Variants in ATXN10 observed in about 807,000 individuals in gnomAD.
The protein encoded by ATXN10 is ataxin 10.
In ATXN10, 28 loss-of-function variants were observed where a neutral mutation model predicts 52.9. That is an observed-to-expected ratio of 0.53 (90% CI 0.39 to 0.73). The LOEUF is 0.73. Among genes scored for constraint, ATXN10 ranks in the 30% least tolerant of loss-of-function variants. The pLI, the probability that ATXN10 is intolerant of heterozygous loss-of-function variation, is 0.00. For synonymous variants in ATXN10, 226 were observed against 221.5 expected, an observed-to-expected ratio of 1.02 and a Z score of -0.18; for missense variants, 565 against 577.0, an observed-to-expected ratio of 0.98 and a Z score of 0.21.
chr22:45,782,903 T>G (rs994435970), intron 9 of ATXN10, among the ~76,000 whole-genome samples: 3 of 152,176 alleles, frequency 2.0e-5, no homozygotes, highest in African/African-American at 7.2e-5. Flanking sequence ...TGTGATAAAG[T>G]TTAATTTATA....
intron 9 of ATXN10, among the ~76,000 whole-genome samples, chr22:45,804,484 A>C (rs1012761747): frequency 6.6e-6 from 1 of 152,178 alleles, no homozygotes; most frequent in Non-Finnish European, 1.5e-5. Flanking sequence ...GATTCCTAGC[A>C]AGCCTGTGTG....
rs552312143 is a variant in ATXN10, at chr22:45,774,100, C to T, written c.1174-32859C>T. ...TTGATGCCATGTGCTTCAGCCAGCA[C>T]CATTTCAGCATGTGCATGTGTGCGC... On this transcript the variant is annotated intron_variant, in intron 9 of 11. Coordinates refer to ENST00000252934, the MANE Select transcript of ATXN10 (RefSeq NM_013236.4). The surrounding 1 kb of genome is among the most constrained non-coding windows in gnomAD (Gnocchi z 6.2). Among the ~76,000 whole-genome samples the T allele has an allele frequency of 2.0e-5, 3 of 152,328 alleles. No individual in the cohort carries two copies. In the South Asian group the frequency reaches 6.2e-4, roughly 32 times the overall value.
In ATXN10 at chr22:45,823,942, G is replaced by A. The variant is rs1299611403; in HGVS notation, c.1237+16920G>A. 6.6e-6 allele frequency among the ~76,000 whole-genome samples: 1 copy of A among 152,218 alleles called. No individual in the cohort carries two copies. On this transcript the variant is annotated intron_variant, in intron 10 of 11. Transcript: ENST00000252934. This position sits in a 1 kb window ranked among gnomAD's most constrained non-coding sequence, Gnocchi z 4.9. ...CAGCATCTTGTGACGTGCCCTTGCT[G>A]GGTCTGTCGCTTGTACTTTTTTGTG...
At chr22:45,838,137 G>C (rs1332972773) in intron 10 of ATXN10, among the ~76,000 whole-genome samples, 1 of 152,226 alleles carries the variant, frequency 6.6e-6, no homozygotes, top group Non-Finnish European at 1.5e-5. Context: ...ACATCAATCT[G>C]CTGGTTATTA....
intron 1 of ATXN10, 28 bp downstream of exon 1, chr22:45,672,207 C>T (rs1922479172): frequency 1.3e-6 from 2 of 1,496,974 alleles, no homozygotes; most frequent in Non-Finnish European, 1.8e-6. Flanking sequence ...GGGGCTGCCC[C>T]GGGCAGGGGA....
rs886478268 is a variant in ATXN10, at chr22:45,763,790, C to G, written c.1173+23252C>G. 1.3e-5 allele frequency among the ~76,000 whole-genome samples: 2 copies of G among 152,248 alleles called. No homozygotes were observed. Among genetic ancestry groups the G allele is most frequent in the African/African-American group, 4.8e-5 (2 of 41,464 alleles). On this transcript the variant is annotated intron_variant, in intron 9 of 11. Transcript: ENST00000252934. The surrounding 1 kb of genome is among the most constrained non-coding windows in gnomAD (Gnocchi z 6.9). ...GAGGATAGGCAGGGACCATTTGTCTCTTCACCATTCTGGTGCTGGGAACAG... is the reference window on the plus strand; with the variant it reads ...GAGGATAGGCAGGGACCATTTGTCTGTTCACCATTCTGGTGCTGGGAACAG...
intron 1 of ATXN10, 80 bp from the exon 2 acceptor site, chr22:45,689,632 A>C (rs1451070086): frequency 5.4e-6 from 7 of 1,300,054 alleles, no homozygotes; most frequent in Non-Finnish European, 7.8e-6. Flanking sequence ...ACAATAGTAG[A>C]TAAAAGCAGT....
intron 9 of ATXN10, among the ~76,000 whole-genome samples, chr22:45,752,499 C>G (rs2146818505): frequency 8.2e-6 from 1 of 122,546 alleles, no homozygotes; most frequent in African/African-American, 3.1e-5. Flanking sequence ...AGTGGGTGAG[C>G]AGGTGTGTGG....
At chr22:45,822,315 T>G (rs1382177589) in intron 10 of ATXN10, among the ~76,000 whole-genome samples, 1 of 152,166 alleles carries the variant, frequency 6.6e-6, no homozygotes, top group East Asian at 1.9e-4. Flanking sequence ...GGTGTTTTTC[T>G]AGGCATGGGA....
At chr22:45,720,598 C>T (rs1021492950) in intron 6 of ATXN10, among the ~76,000 whole-genome samples, 4 of 152,164 alleles carry the variant, frequency 2.6e-5, no homozygotes, top group African/African-American at 9.7e-5. Flanking sequence ...TCTTGTGTAT[C>T]AGAAACTCTG....
intron 1 of ATXN10, among the ~76,000 whole-genome samples, chr22:45,686,615 C>G (rs940675170): frequency 6.6e-6 from 1 of 151,946 alleles, no homozygotes; most frequent in East Asian, 1.9e-4. Context: ...GTCAGGAGAC[C>G]GAGACCAGCC....
chr22:45,765,169 G>A (rs921533264), intron 9 of ATXN10, among the ~76,000 whole-genome samples: 2 of 152,082 alleles, frequency 1.3e-5, no homozygotes, highest in Non-Finnish European at 2.9e-5. Flanking sequence ...CTCATCGCGG[G>A]GCCAGTCCTA....
rs1462968861 is a variant in ATXN10, at chr22:45,786,138, A to G, written c.1174-20821A>G. On this transcript the variant is annotated intron_variant, in intron 9 of 11. Coordinates refer to ENST00000252934, the MANE Select transcript of ATXN10 (RefSeq NM_013236.4). This position sits in a 1 kb window ranked among gnomAD's most constrained non-coding sequence, Gnocchi z 4.1. ...CAGATGTGAATGTTTGCTAAAGAAAAGATAGTTGCTAATTTTTCTGGAATT... is the reference window on the plus strand; with the variant it reads ...CAGATGTGAATGTTTGCTAAAGAAAGGATAGTTGCTAATTTTTCTGGAATT... Among the ~76,000 whole-genome samples the G allele has an allele frequency of 1.3e-5, 2 of 152,234 alleles. No homozygotes were observed. Among genetic ancestry groups the G allele is most frequent in the Non-Finnish European group, 2.9e-5 (2 of 68,038 alleles).
At position 45,774,583 on chromosome 22, in the gene ATXN10, A is replaced by G. The variant is rs1236902134; in HGVS notation, c.1174-32376A>G. On this transcript the variant is annotated intron_variant, in intron 9 of 11. Transcript: ENST00000252934. The surrounding 1 kb of genome is among the most constrained non-coding windows in gnomAD (Gnocchi z 6.2). Reference sequence around the variant, plus strand: ...CAGCAAAGGATCCCAACTCTAGGAAATCTTCCATGTCAGGTTCCTGAAAAA... The same window carrying G: ...CAGCAAAGGATCCCAACTCTAGGAAGTCTTCCATGTCAGGTTCCTGAAAAA... Among the ~76,000 whole-genome samples, 1 of 152,246 alleles carries G rather than the reference A, an allele frequency of 6.6e-6. No homozygotes were observed. Among genetic ancestry groups the G allele is most frequent in the Non-Finnish European group, 1.5e-5 (1 of 68,038 alleles).
At chr22:45,829,511 C>G (rs1928921607) in intron 10 of ATXN10, among the ~76,000 whole-genome samples, 1 of 152,130 alleles carries the variant, frequency 6.6e-6, no homozygotes. Context: ...ACCATTAAAA[C>G]TCATGTTTTA....
chr22:45,827,867 A>G (rs545953013), intron 10 of ATXN10, among the ~76,000 whole-genome samples: 222 of 152,338 alleles, frequency 1.5e-3, no homozygotes, highest in African/African-American at 5.1e-3. Context: ...GATAGAGTGT[A>G]TATTAGGTAA....
chr22:45,803,613 G>C (rs573189108), intron 9 of ATXN10, among the ~76,000 whole-genome samples: 1 of 152,206 alleles, frequency 6.6e-6, no homozygotes, highest in Non-Finnish European at 1.5e-5. Flanking sequence ...ACACTTATAG[G>C]GCCCTTGCTT....
At chr22:45,720,261 C>T (rs1924597684) in intron 6 of ATXN10, among the ~76,000 whole-genome samples, 1 of 151,810 alleles carries the variant, frequency 6.6e-6, no homozygotes. Context: ...TTGACAATAG[C>T]CTTTGTCAAA....
In ATXN10 at chr22:45,818,273, A is replaced by G. The variant is rs1247929662; in HGVS notation, c.1237+11251A>G. Among the ~76,000 whole-genome samples the G allele has an allele frequency of 6.6e-6, 1 of 152,168 alleles. No homozygotes were observed. Among genetic ancestry groups the G allele is most frequent in the East Asian group, 1.9e-4 (1 of 5,182 alleles). On this transcript the variant is annotated intron_variant, in intron 10 of 11. Transcript: ENST00000252934. The surrounding 1 kb of genome is among the most constrained non-coding windows in gnomAD (Gnocchi z 4.6). ...AGACAGCCTGGCTTCTTTCCAGGGC[A>G]TTAACAGTTATGCACTTGTGTGTCT... is the stretch of plus-strand genomic sequence containing the variant.
Sources: gnomAD v4.1 joint callset for allele counts (sites outside exome capture counted in the v4.1 genomes callset) on GRCh38, gnomAD v4.1.1 for gene constraint, Gnocchi (gnomAD v3.1) non-coding constraint, MANE v1.5 for transcripts, NCBI Gene and HGNC (gene_info 2026-07-23, HGNC 2026-07-21) for gene names.